Variants in GLRX3 observed in about 807,000 individuals in gnomAD.
The protein encoded by GLRX3 is glutaredoxin 3.
GLRX3 carries 22 observed loss-of-function variants against 49.5 expected under a neutral mutation model. That is an observed-to-expected ratio of 0.44 (90% CI 0.32 to 0.63). The LOEUF is 0.63. GLRX3 is among the 30% of genes least tolerant of loss of function. The pLI, the probability that GLRX3 is intolerant of heterozygous loss-of-function variation, is 0.05. For synonymous variants in GLRX3, 133 were observed against 140.0 expected (o/e 0.95, Z 0.35); for missense variants, 385 against 396.3 (o/e 0.97, Z 0.24).
chr10:130,163,728 T>G (rs1429805058), intron 4 of GLRX3, among the ~76,000 whole-genome samples: 1 of 152,210 alleles, frequency 6.6e-6, no homozygotes, highest in Non-Finnish European at 1.5e-5. Context: ...GGAACATAAG[T>G]CACCTCGACC....
intron 10 of GLRX3, 65 bp downstream of exon 10, chr10:130,175,154 C>A: frequency 1.1e-6 from 1 of 913,938 alleles, no homozygotes; most frequent in South Asian, 1.3e-5. Context: ...AAAATGATTT[C>A]ATATTGAATG....
Position 130,179,443 on chromosome 10 carries a change from G to A in GLRX3, c.*51G>A. 4.1e-6 allele frequency: 4 copies of A among 977,218 alleles called. No homozygotes were observed. The highest frequency in any genetic ancestry group is 6.4e-6 in the Non-Finnish European group (4 of 621,806). 60.5% of individuals were successfully genotyped at this position (977,218 alleles called of 1,614,324 possible). On this transcript the variant is annotated 3_prime_UTR_variant, in exon 11 of 11. Transcript: ENST00000331244. ...ATTGTAAGAAATATTTAATTACATT[G>A]GGAGCAGTTCATGATTTAGTCCTCA...
intron 1 of GLRX3, among the ~76,000 whole-genome samples, chr10:130,142,919 G>A (rs1045029489): frequency 3.9e-5 from 6 of 152,180 alleles, no homozygotes; most frequent in African/African-American, 9.7e-5. Context: ...CGCTGACCTC[G>A]GGTCTCCTCT....
chr10:130,138,889 C>G (rs1225593069), intron 1 of GLRX3, among the ~76,000 whole-genome samples: 3 of 118,280 alleles, frequency 2.5e-5, no homozygotes, highest in African/African-American at 9.9e-5. Flanking sequence ...CAGAGTCTCT[C>G]TCTGTTGCCC....
chr10:130,168,403 C>T (rs942315537), intron 6 of GLRX3, among the ~76,000 whole-genome samples: 2 of 152,088 alleles, frequency 1.3e-5, no homozygotes, highest in South Asian at 4.1e-4. Context: ...CAGCTTTGTG[C>T]GTGATTGATG....
chr10:130,177,032 C>T (rs770487503), intron 10 of GLRX3, among the ~76,000 whole-genome samples: 4 of 152,130 alleles, frequency 2.6e-5, no homozygotes, highest in African/African-American at 4.8e-5. Context: ...AGAACATATA[C>T]GTTTGAAATG....
At chr10:130,158,530 C>A (rs1334865006) in intron 2 of GLRX3, among the ~76,000 whole-genome samples, 2 of 152,094 alleles carry the variant, frequency 1.3e-5, no homozygotes, top group African/African-American at 2.4e-5. Context: ...TTCAGTAGTA[C>A]TGAAGGAAGG....
intron 1 of GLRX3, among the ~76,000 whole-genome samples, chr10:130,142,499 C>T (rs1251538706): frequency 6.6e-6 from 1 of 152,146 alleles, no homozygotes. Flanking sequence ...GTGTCTACGG[C>T]CCTTCCCTCT....
chr10:130,160,720 C>A, intron 3 of GLRX3, 76 bp from the exon 4 acceptor site: 1 of 835,134 alleles, frequency 1.2e-6, no homozygotes, highest in South Asian at 1.4e-5. Context: ...TACTGTTGTC[C>A]CCTTTAAAAA....
chr10:130,160,385 C>G (rs1862551183), intron 3 of GLRX3, among the ~76,000 whole-genome samples: 1 of 152,202 alleles, frequency 6.6e-6, no homozygotes. Flanking sequence ...TTGTTTAGAG[C>G]ATGTGCCTGG....
chr10:130,162,413 T>C (rs1299747272), intron 4 of GLRX3, among the ~76,000 whole-genome samples: 1 of 152,236 alleles, frequency 6.6e-6, no homozygotes, highest in Non-Finnish European at 1.5e-5. Context: ...ACAGATAGTC[T>C]CTGTTGCGTT....
chr10:130,157,912 T>C (rs1337561435), intron 2 of GLRX3, among the ~76,000 whole-genome samples: 1 of 152,190 alleles, frequency 6.6e-6, no homozygotes, highest in Non-Finnish European at 1.5e-5. Context: ...AACTGTTACA[T>C]TAAATCCAAC....
intron 10 of GLRX3, among the ~76,000 whole-genome samples, chr10:130,178,383 T>C (rs1862963169): frequency 6.6e-6 from 1 of 152,090 alleles, no homozygotes; most frequent in South Asian, 2.1e-4. Flanking sequence ...GCCTCCTAAG[T>C]AGCTAGAATT....
intron 4 of GLRX3, 146 bp downstream of exon 4, chr10:130,161,143 A>AT: frequency 1.6e-6 from 1 of 629,646 alleles, no homozygotes; most frequent in South Asian, 1.9e-5. Context: ...CAAAAAGGTT[A>AT]TAATTCCCAA....
At position 130,171,568 on chromosome 10, in the gene GLRX3, A is replaced by AT. The variant is rs201251928; in HGVS notation, c.772-8dup. 1.6e-3 allele frequency: 2,349 copies of AT among 1,444,744 alleles called. 30 individuals are homozygous for AT. The African/African-American group carries it at 0.024, about 15-fold the overall frequency. The allele number at this position is 1,444,744 out of a possible 1,614,324, so 89.5% of individuals were successfully genotyped here. ...CATACAAAAATTGTAATCTTTGCAA[A>AT]TTTTTTTTCATTTAGGAAGCAAAAT... On this transcript the variant is annotated splice_polypyrimidine_tract_variant and intron_variant, in intron 7 of 10. Transcript: ENST00000331244.
rs759946831 is a variant in GLRX3, at chr10:130,174,854, C to T, written c.825-13C>T. 10 of 1,532,768 alleles carry T rather than the reference C, an allele frequency of 6.5e-6. No individual in the cohort carries two copies. The Admixed American group carries it at 1.2e-4, about 18-fold the overall frequency. 94.9% of individuals were successfully genotyped at this position (1,532,768 alleles called of 1,614,324 possible). On this transcript the variant is annotated splice_polypyrimidine_tract_variant and intron_variant, in intron 8 of 10. Coordinates refer to ENST00000331244, the MANE Select transcript of GLRX3 (RefSeq NM_006541.5). ...ACTGTATTTCCAGTTAAAATGTCTTCTCTTTTTTGCAGTGTTGAATATGAA... is the reference window on the plus strand; with the variant it reads ...ACTGTATTTCCAGTTAAAATGTCTTTTCTTTTTTGCAGTGTTGAATATGAA...
chr10:130,170,199 G>A (rs1862777711), intron 7 of GLRX3, among the ~76,000 whole-genome samples: 2 of 152,166 alleles, frequency 1.3e-5, no homozygotes, highest in African/African-American at 4.8e-5. Context: ...ATCAGTTGTT[G>A]AAGTAGGCAG....
chr10:130,139,534 C>T (rs532487113), intron 1 of GLRX3, among the ~76,000 whole-genome samples: 17 of 150,054 alleles, frequency 1.1e-4, no homozygotes, highest in African/African-American at 3.4e-4. Flanking sequence ...CCCAGTTACT[C>T]GGGAAGCTGA....
chr10:130,171,930 C>T (rs1862817865), intron 8 of GLRX3, among the ~76,000 whole-genome samples: 1 of 152,140 alleles, frequency 6.6e-6, no homozygotes, highest in South Asian at 2.1e-4. Context: ...TGCACCACTG[C>T]ACTCAGCCTG....
Sources: gnomAD v4.1 joint callset for allele counts (sites outside exome capture counted in the v4.1 genomes callset) on GRCh38, gnomAD v4.1.1 for gene constraint, MANE v1.5 for transcripts, NCBI Gene and HGNC (gene_info 2026-07-23, HGNC 2026-07-21) for gene names.